The following SDHB variants were observed in gnomAD, a reference collection of about 807,000 sequenced individuals.
SDHB encodes succinate dehydrogenase complex iron sulfur subunit B, also known as succinate dehydrogenase [ubiquinone] iron-sulfur subunit, mitochondrial.
SDHB carries 21 observed loss-of-function variants against 39.7 expected under a neutral mutation model. The observed-to-expected ratio is 0.53, with a 90% CI of 0.37 to 0.76. SDHB has a LOEUF of 0.76. Among genes scored for constraint, SDHB ranks in the 30% least tolerant of loss-of-function variants. SDHB has a pLI of 0.00. For missense variants in SDHB, 343 were observed against 350.9 expected, an observed-to-expected ratio of 0.98 and a Z score of 0.18; for synonymous variants, 118 against 117.0, an observed-to-expected ratio of 1.01 and a Z score of -0.06.
intron 1 of SDHB, among the ~76,000 whole-genome samples, chr1:17,050,683 AAT>A (rs988659758): frequency 1.3e-5 from 2 of 152,130 alleles, no homozygotes; most frequent in Non-Finnish European, 2.9e-5. Context: ...TATTTCATAC[AAT>A]ATTTGGTGGG....
At chr1:17,019,403 CCTCT>C (rs1356803424) in intron 7 of SDHB, among the ~76,000 whole-genome samples, 1 of 152,152 alleles carries the variant, frequency 6.6e-6, no homozygotes, top group Non-Finnish European at 1.5e-5. Flanking sequence ...AAGAAACTAC[CCTCT>C]CTATTAACCC....
intron 1 of SDHB, among the ~76,000 whole-genome samples, chr1:17,045,843 C>T (rs1425444112): frequency 4.6e-5 from 7 of 152,100 alleles, no homozygotes; most frequent in Non-Finnish European, 1.0e-4. Flanking sequence ...ATAGGAAACC[C>T]GTACAGGGTA....
intron 5 of SDHB, among the ~76,000 whole-genome samples, chr1:17,026,285 C>G (rs1331374068): frequency 6.6e-6 from 1 of 152,240 alleles, no homozygotes; most frequent in Non-Finnish European, 1.5e-5. Flanking sequence ...CAGGCTTACT[C>G]TGACTTGCAG....
rs1163621416 is a variant in SDHB at position 17,044,821 on chromosome 1, C to T, written c.140G>A (p.Trp47Ter). The T allele has an allele frequency of 1.2e-6, 2 of 1,614,070 alleles. No individual in the cohort carries two copies. ...PRIKKFAIYR[W>*]DPDKAGDKPH... ...TTTGTCTCCAGCCTTGTCTGGGTCC[C>T]ATCGATAGATGGCAAATTTCTTGAT... The change falls in exon 2 of 8, where the codon TGG (tryptophan) becomes TAG (stop). Residue 47 changes from tryptophan to a stop codon, truncating the protein, a stop_gained. Transcript: ENST00000375499. LOFTEE classifies it high-confidence loss of function.
intron 7 of SDHB, among the ~76,000 whole-genome samples, chr1:17,019,927 G>C (rs1193483912): frequency 1.3e-5 from 2 of 151,910 alleles, no homozygotes; most frequent in Non-Finnish European, 2.9e-5. Context: ...TGTAGAGATG[G>C]GATCTCACTA....
chr1:17,047,520 T>C (rs888529744), intron 1 of SDHB, among the ~76,000 whole-genome samples: 2 of 151,246 alleles, frequency 1.3e-5, no homozygotes, highest in Admixed American at 1.3e-4. Flanking sequence ...CTACTAAAAA[T>C]ACAAAAAAAC....
At chr1:17,051,599 G>A (rs2078147343) in intron 1 of SDHB, among the ~76,000 whole-genome samples, 1 of 151,648 alleles carries the variant, frequency 6.6e-6, no homozygotes, top group Non-Finnish European at 1.5e-5. Context: ...TCACTTACAA[G>A]CTGTGTATTC....
intron 1 of SDHB, among the ~76,000 whole-genome samples, chr1:17,050,073 C>T (rs973120777): frequency 6.6e-6 from 1 of 152,128 alleles, no homozygotes; most frequent in Admixed American, 6.5e-5. Context: ...TGAGGTTTTC[C>T]CTTCAACATT....
rs1454196953 is a variant in SDHB, at chr1:17,033,092, G to A, written c.254C>T (p.Ser85Phe). The A allele has an allele frequency of 6.2e-7, 1 of 1,614,012 alleles. No individual in the cohort carries two copies. The highest frequency in any genetic ancestry group is 8.5e-7 in the Non-Finnish European group (1 of 1,179,874). Residue 85 changes from serine (S) to phenylalanine (F), a missense_variant, in exon 3 of 8, where the codon TCT becomes TTT. Physicochemically the swap from Ser to Phe is radical, Grantham distance 155. Transcript: ENST00000375499. Reference protein sequence around the residue: ...ALIKIKNEVDSTLTFRRSCRE... With the variant: ...ALIKIKNEVDFTLTFRRSCRE... ...GCATGATCTTCGGAAGGTCAAAGTA[G>A]AGTCAACTTCATTCTTAATCTTGAT...
chr1:17,036,210 A>T (rs11579925), intron 2 of SDHB, among the ~76,000 whole-genome samples: 5 of 151,986 alleles, frequency 3.3e-5, no homozygotes, highest in African/African-American at 1.2e-4. Context: ...AACAACATTA[A>T]GTCTTCCAAC....
intron 5 of SDHB, among the ~76,000 whole-genome samples, chr1:17,026,732 T>C (rs1352263692): frequency 5.9e-5 from 9 of 152,044 alleles, no homozygotes. Flanking sequence ...TCTCAAAAGG[T>C]AGAATTAATT....
intron 3 of SDHB, among the ~76,000 whole-genome samples, chr1:17,032,377 A>C (rs901391412): frequency 1.3e-5 from 2 of 151,850 alleles, no homozygotes; most frequent in African/African-American, 4.8e-5. Context: ...TAGTAGAGAC[A>C]AGGTTTCACC....
At chr1:17,051,945 A>G (rs991234124) in intron 1 of SDHB, among the ~76,000 whole-genome samples, 1 of 151,540 alleles carries the variant, frequency 6.6e-6, no homozygotes, top group African/African-American at 2.4e-5. Flanking sequence ...AGGTTCAAGC[A>G]ATTCTCCTGC....
At chr1:17,053,415 G>A (rs1037244962) in intron 1 of SDHB, among the ~76,000 whole-genome samples, 1 of 152,088 alleles carries the variant, frequency 6.6e-6, no homozygotes, top group African/African-American at 2.4e-5. Flanking sequence ...CTTCGAGGTA[G>A]GGGGCTGGGT....
At chr1:17,038,995 T>C (rs2078064363) in intron 2 of SDHB, among the ~76,000 whole-genome samples, 1 of 152,198 alleles carries the variant, frequency 6.6e-6, no homozygotes, top group Non-Finnish European at 1.5e-5. Flanking sequence ...TTATTTTTTC[T>C]TGCGCTTTTT....
intron 1 of SDHB, chr1:17,045,215 G>A: frequency 2.9e-6 from 1 of 347,050 alleles, no homozygotes. Flanking sequence ...AGTACAGGGA[G>A]CTCTGGATGA....
chr1:17,046,618 C>T (rs1269352988), intron 1 of SDHB, among the ~76,000 whole-genome samples: 5 of 152,168 alleles, frequency 3.3e-5, no homozygotes, highest in Non-Finnish European at 7.3e-5. Flanking sequence ...GGTACGTAGT[C>T]TCATGTCTAG....
At chr1:17,050,287 G>C (rs1382785744) in intron 1 of SDHB, among the ~76,000 whole-genome samples, 1 of 151,788 alleles carries the variant, frequency 6.6e-6, no homozygotes, top group Non-Finnish European at 1.5e-5. Flanking sequence ...ATCAGTTTTG[G>C]AGTGCCCCAA....
At position 17,042,954 on chromosome 1, in the gene SDHB, G is replaced by GTTTTTTTTTT. The variant is rs143394198; in HGVS notation, c.200+1797_200+1806dup. ...AGCAGTAGGGTTTTTTGTTTTATGA[G>GTTTTTTTTTT]TTTTTTTTTTTTTTTTTTTTTTTTT... is the stretch of plus-strand genomic sequence containing the variant. On this transcript the variant is annotated intron_variant, in intron 2 of 7. Coordinates refer to ENST00000375499, the MANE Select transcript of SDHB (RefSeq NM_003000.3). Among the ~76,000 whole-genome samples, 57 of 62,894 alleles carry GTTTTTTTTTT rather than the reference G, an allele frequency of 9.1e-4. 3 individuals carry two copies. Among genetic ancestry groups the GTTTTTTTTTT allele is most frequent in the Middle Eastern group, 0.014 (1 of 70 alleles). The allele number at this position is 62,894 out of a possible 152,430, so 41.3% of individuals were successfully genotyped here.
Sources: gnomAD v4.1 joint callset for allele counts (sites outside exome capture counted in the v4.1 genomes callset) on GRCh38, gnomAD v4.1.1 for gene constraint, MANE v1.5 for transcripts, NCBI Gene and HGNC (gene_info 2026-07-23, HGNC 2026-07-21) for gene names.